GALNTL6: variants seen among roughly 807,000 people sequenced by gnomAD.
The protein encoded by GALNTL6 is polypeptide N-acetylgalactosaminyltransferase-like 6.
Under a neutral mutation model 73.7 loss-of-function variants are expected in GALNTL6, and 46 were observed. The observed-to-expected ratio is 0.62, with a 90% CI of 0.49 to 0.80. GALNTL6 has a LOEUF of 0.80. GALNTL6 is among the 30% of genes least tolerant of loss of function. GALNTL6 has a pLI of 0.00. For synonymous variants in GALNTL6, 259 were observed against 263.7 expected (o/e 0.98, Z 0.17); for missense variants, 604 against 755.0 (o/e 0.80, Z 2.34).
intron 5 of GALNTL6, among the ~76,000 whole-genome samples, chr4:172,729,301 T>C (rs1243909298): frequency 6.6e-6 from 1 of 152,116 alleles, no homozygotes; most frequent in Non-Finnish European, 1.5e-5. Context: ...AAAAATCTTT[T>C]CTCAAATAAA....
chr4:172,328,768 C>T (rs539013144), intron 4 of GALNTL6, among the ~76,000 whole-genome samples: 8 of 152,216 alleles, frequency 5.3e-5, no homozygotes, highest in Non-Finnish European at 8.8e-5. Context: ...TGTGTCATTT[C>T]GTTGTGATTC....
chr4:172,636,397 A>T (rs571316965), intron 5 of GALNTL6, among the ~76,000 whole-genome samples: 1 of 152,222 alleles, frequency 6.6e-6, no homozygotes, highest in East Asian at 1.9e-4. Context: ...GTTTCCTTAC[A>T]TGGCAAAAGG....
chr4:172,363,169 A>G (rs1397994765), intron 5 of GALNTL6, among the ~76,000 whole-genome samples: 1 of 152,112 alleles, frequency 6.6e-6, no homozygotes, highest in Non-Finnish European at 1.5e-5. Flanking sequence ...AAGATGCCAA[A>G]TTTTGCTTCA....
chr4:172,854,316 CT>C (rs1744009606), intron 7 of GALNTL6, among the ~76,000 whole-genome samples: 1 of 152,138 alleles, frequency 6.6e-6, no homozygotes, highest in South Asian at 2.1e-4. Flanking sequence ...ATTTTAAGCT[CT>C]TTCAGCACAG....
intron 7 of GALNTL6, among the ~76,000 whole-genome samples, chr4:172,841,254 C>T (rs953049523): frequency 1.8e-4 from 27 of 152,226 alleles, no homozygotes; most frequent in African/African-American, 5.1e-4. Flanking sequence ...AATAGAATGG[C>T]GAAGATTTGA....
intron 2 of GALNTL6, among the ~76,000 whole-genome samples, chr4:172,083,129 T>A: frequency 6.6e-6 from 1 of 152,194 alleles, no homozygotes; most frequent in East Asian, 1.9e-4. Context: ...TAAATCCTGT[T>A]GGTTCTGTCT....
intron 2 of GALNTL6, among the ~76,000 whole-genome samples, chr4:171,908,098 G>T (rs1276718419): frequency 6.6e-6 from 1 of 152,168 alleles, no homozygotes; most frequent in African/African-American, 2.4e-5. Context: ...AGGACTTCAT[G>T]TCTAAAACAT....
intron 2 of GALNTL6, among the ~76,000 whole-genome samples, chr4:172,011,776 C>A (rs1741015071): frequency 6.6e-6 from 1 of 151,614 alleles, no homozygotes; most frequent in African/African-American, 2.4e-5. Flanking sequence ...TAAAATACAA[C>A]CTTGAATAGA....
At chr4:171,949,159 A>G (rs1738792244) in intron 2 of GALNTL6, among the ~76,000 whole-genome samples, 1 of 152,176 alleles carries the variant, frequency 6.6e-6, no homozygotes, top group East Asian at 1.9e-4. Context: ...GCCTTGGGGA[A>G]AGCAGGAGAG....
At chr4:172,143,071 G>C (rs1733842805) in intron 2 of GALNTL6, among the ~76,000 whole-genome samples, 1 of 151,996 alleles carries the variant, frequency 6.6e-6, no homozygotes, top group African/African-American at 2.4e-5. Flanking sequence ...GCTGCCTATT[G>C]CATGTTGGAT....
intron 2 of GALNTL6, among the ~76,000 whole-genome samples, chr4:171,973,112 C>A (rs1400092844): frequency 1.3e-5 from 2 of 152,088 alleles, no homozygotes; most frequent in Non-Finnish European, 2.9e-5. Context: ...ATGAAGCTGA[C>A]CCACTTCACA....
chr4:172,642,901 A>T (rs191161070), intron 5 of GALNTL6, among the ~76,000 whole-genome samples: 6 of 152,042 alleles, frequency 3.9e-5, no homozygotes, highest in South Asian at 2.1e-4. Flanking sequence ...GACAAGCCTC[A>T]TGCATGTCAC....
At chr4:171,824,501 A>G (rs1258181018) in intron 2 of GALNTL6, among the ~76,000 whole-genome samples, 1 of 152,158 alleles carries the variant, frequency 6.6e-6, no homozygotes, top group African/African-American at 2.4e-5. Context: ...TCTGCATAAA[A>G]TGCTTAGAAA....
rs370441171 is a variant in GALNTL6, at chr4:172,109,365, G to T, written c.139-120291G>T. 4.6e-5 allele frequency among the ~76,000 whole-genome samples: 7 copies of T among 152,314 alleles called. No homozygotes were observed. The East Asian group carries it at 9.7e-4, about 21-fold the overall frequency. On this transcript the variant is annotated intron_variant, in intron 2 of 12. Transcript: ENST00000506823. ...ACATTCACAGCAGAGACTTGGAATG[G>T]TCCTAGAATTGGTTGTCCTCAGAGT...
chr4:172,133,424 T>A (rs1380531812), intron 2 of GALNTL6, among the ~76,000 whole-genome samples: 3 of 152,254 alleles, frequency 2.0e-5, no homozygotes, highest in Admixed American at 2.0e-4. Context: ...TTGATTCATT[T>A]CAACATATTT....
chr4:172,769,549 T>C (rs549258154), intron 5 of GALNTL6, among the ~76,000 whole-genome samples: 149 of 152,294 alleles, frequency 9.8e-4, no homozygotes, highest in African/African-American at 3.5e-3. Flanking sequence ...CATTTTGAGT[T>C]TGCAGAGCTG....
intron 2 of GALNTL6, among the ~76,000 whole-genome samples, chr4:171,956,242 C>G (rs1481750755): frequency 6.6e-6 from 1 of 152,106 alleles, no homozygotes; most frequent in Non-Finnish European, 1.5e-5. Flanking sequence ...GAGGCTAAAC[C>G]AATCTGCCCA....
At chr4:172,736,851 T>A (rs1736498627) in intron 5 of GALNTL6, among the ~76,000 whole-genome samples, 2 of 152,224 alleles carry the variant, frequency 1.3e-5, no homozygotes, top group South Asian at 4.1e-4. Flanking sequence ...TTCCAAGCTG[T>A]TCTTCTGAGA....
At chr4:172,673,484 T>C (rs980699799) in intron 5 of GALNTL6, among the ~76,000 whole-genome samples, 1 of 152,162 alleles carries the variant, frequency 6.6e-6, no homozygotes, top group African/African-American at 2.4e-5. Context: ...ATATCTATCA[T>C]GTCCATTTGT....
Sources: allele counts gnomAD v4.1 joint callset (sites outside exome capture counted in the v4.1 genomes callset), GRCh38; gene constraint gnomAD v4.1.1; transcripts MANE v1.5; gene names NCBI Gene and HGNC (gene_info 2026-07-23, HGNC 2026-07-21).